Variants in ARK2N observed in about 807,000 individuals in gnomAD.
The protein encoded by ARK2N is arkadia (RNF111) N-terminal like PKA signaling regulator 2N.
the ARK2N span, among the ~76,000 whole-genome samples, chr18:46,243,031 G>A: frequency 6.6e-6 from 1 of 152,192 alleles, no homozygotes; most frequent in Non-Finnish European, 1.5e-5. Flanking sequence ...AGTCACCACT[G>A]CTCAGCAGAT....
At chr18:46,266,528 G>C in the ARK2N span, 2 of 152,430 alleles carry the variant, frequency 1.3e-5, no homozygotes, top group Non-Finnish European at 2.9e-5. Context: ...AATTTTAAAA[G>C]GTAGTGATCT....
At chr18:46,241,858 C>T in the ARK2N span, among the ~76,000 whole-genome samples, 22 of 151,946 alleles carry the variant, frequency 1.4e-4, no homozygotes, top group South Asian at 2.9e-3. Context: ...CTCTTGTTGC[C>T]CAAGCCAGAG....
At chr18:46,237,880 C>T in the ARK2N span, among the ~76,000 whole-genome samples, 1 of 152,138 alleles carries the variant, frequency 6.6e-6, no homozygotes, top group Non-Finnish European at 1.5e-5. Context: ...TGAAAAATGA[C>T]AGTGATCATA....
At chr18:46,259,762 C>A in the ARK2N span, among the ~76,000 whole-genome samples, 2 of 99,710 alleles carry the variant, frequency 2.0e-5, no homozygotes, top group African/African-American at 6.6e-5. Context: ...CCCACTACCC[C>A]ACCCAGCTAC....
chr18:46,219,777 G>A, the ARK2N span, among the ~76,000 whole-genome samples: 1 of 151,966 alleles, frequency 6.6e-6, no homozygotes, highest in Non-Finnish European at 1.5e-5. Context: ...CCATTATCAA[G>A]TGGTTTCCTT....
the ARK2N span, among the ~76,000 whole-genome samples, chr18:46,174,859 C>T: frequency 1.3e-5 from 2 of 152,246 alleles, no homozygotes; most frequent in Admixed American, 6.5e-5. Flanking sequence ...TCCGGCGCCG[C>T]GGCCGCAGTG....
the ARK2N span, among the ~76,000 whole-genome samples, chr18:46,187,628 A>G: frequency 1.2e-3 from 179 of 152,142 alleles, no homozygotes; most frequent in African/African-American, 4.1e-3. Flanking sequence ...AGGCGTGAGC[A>G]CTGTGCCCGG....
At chr18:46,227,854 T>C in the ARK2N span, among the ~76,000 whole-genome samples, 2 of 152,192 alleles carry the variant, frequency 1.3e-5, no homozygotes, top group East Asian at 3.8e-4. Context: ...TGCCTCAGCC[T>C]CCCAAAGTGC....
the ARK2N span, chr18:46,228,893 C>A: frequency 2.5e-6 from 1 of 398,232 alleles, no homozygotes; most frequent in South Asian, 1.3e-4. Flanking sequence ...TAGTTATATT[C>A]AAGGTAAGAA....
chr18:46,235,703 T>C, the ARK2N span, among the ~76,000 whole-genome samples: 1 of 152,218 alleles, frequency 6.6e-6, no homozygotes, highest in Admixed American at 6.5e-5. Flanking sequence ...ACAATTATAG[T>C]CTATTGTGGT....
the ARK2N span, among the ~76,000 whole-genome samples, chr18:46,195,559 C>CTTTTTTTTTT: frequency 2.6e-4 from 19 of 72,686 alleles, 1 homozygote; most frequent in African/African-American, 1.2e-3. Flanking sequence ...CCCACATAAA[C>CTTTTTTTTTT]TTTTTTTTTT....
At chr18:46,212,338 T>A in the ARK2N span, among the ~76,000 whole-genome samples, 1 of 152,240 alleles carries the variant, frequency 6.6e-6, no homozygotes, top group African/African-American at 2.4e-5. Flanking sequence ...TGTTCCCTTA[T>A]TCACCTGCTT....
At chr18:46,210,371 A>G in the ARK2N span, among the ~76,000 whole-genome samples, 5 of 152,250 alleles carry the variant, frequency 3.3e-5, no homozygotes, top group African/African-American at 1.2e-4. Flanking sequence ...GGCTTTTGAC[A>G]TGAGCAACTG....
the ARK2N span, chr18:46,174,246 A>C: frequency 6.6e-6 from 1 of 152,236 alleles, no homozygotes; most frequent in Non-Finnish European, 1.5e-5. Context: ...GCAGCGGGGA[A>C]GAGTCCCGGC....
chr18:46,201,829 G>C, the ARK2N span, among the ~76,000 whole-genome samples: 1,706 of 150,036 alleles, frequency 0.011, 58 homozygotes, highest in East Asian at 0.12. Context: ...CCAGGCTGGA[G>C]TGCAGTGGAG....
At chr18:46,248,485 G>A in the ARK2N span, among the ~76,000 whole-genome samples, 54 of 152,144 alleles carry the variant, frequency 3.5e-4, no homozygotes, top group African/African-American at 1.2e-3. Flanking sequence ...TGAAAGTATA[G>A]TGTTTTACTT....
the ARK2N span, among the ~76,000 whole-genome samples, chr18:46,252,797 T>C: frequency 6.6e-6 from 1 of 152,244 alleles, no homozygotes; most frequent in African/African-American, 2.4e-5. Context: ...TAGGCCGAAT[T>C]ATTTTAGCTC....
At chr18:46,246,038 G>A in the ARK2N span, among the ~76,000 whole-genome samples, 1 of 152,180 alleles carries the variant, frequency 6.6e-6, no homozygotes, top group African/African-American at 2.4e-5. Flanking sequence ...CTAAATATAA[G>A]TGCTCTGCTT....
the ARK2N span, among the ~76,000 whole-genome samples, chr18:46,250,476 C>A: frequency 1.7e-4 from 7 of 42,388 alleles, no homozygotes; most frequent in Non-Finnish European, 3.1e-4. Flanking sequence ...CCCAACATTA[C>A]TAACCCTCCA....
Sources: gnomAD v4.1 joint callset for allele counts (sites outside exome capture counted in the v4.1 genomes callset) on GRCh38, gnomAD v4.1.1 for gene constraint, MANE v1.5 for transcripts, NCBI Gene and HGNC (gene_info 2026-07-23, HGNC 2026-07-21) for gene names.